The following CSMD3 variants were observed in gnomAD, a reference collection of about 807,000 sequenced individuals.
CSMD3 encodes CUB and sushi domain-containing protein 3.
A neutral mutation model predicts 435.2 loss-of-function variants in CSMD3; 177 were observed. That is an observed-to-expected ratio of 0.41 (90% CI 0.36 to 0.46). The LOEUF (loss-of-function observed/expected upper bound fraction) is 0.46. Among genes scored for constraint, CSMD3 ranks in the 20% least tolerant of loss-of-function variants. The pLI is 0.34. For synonymous variants in CSMD3, 1,656 were observed against 1,520.5 expected (o/e 1.09, Z -2.07); for missense variants, 4,265 against 4,504.6 (o/e 0.95, Z 1.52).
rs867236363 is a variant in CSMD3, at chr8:113,252,794, T to C, written c.514+25798A>G. 2.0e-5 allele frequency among the ~76,000 whole-genome samples: 3 copies of C among 152,160 alleles called. 1 individual carries two copies. The highest frequency in any genetic ancestry group is 2.1e-4 in the South Asian group (1 of 4,836). ...CAGATGGATACATGAATTTCATAAG[T>C]AGTGGGTGGACCAAATTAAGAAAGC... On this transcript the variant is annotated intron_variant, in intron 3 of 70. Coordinates refer to ENST00000297405, the MANE Select transcript of CSMD3 (RefSeq NM_198123.2).
chr8:112,871,949 T>A (rs1475174409), intron 10 of CSMD3, among the ~76,000 whole-genome samples: 1 of 152,076 alleles, frequency 6.6e-6, no homozygotes, highest in Admixed American at 6.6e-5. Flanking sequence ...AGAATTCATT[T>A]TATTCTTATT....
intron 1 of CSMD3, among the ~76,000 whole-genome samples, chr8:113,380,158 T>A (rs925239780): frequency 1.3e-5 from 2 of 152,218 alleles, no homozygotes; most frequent in African/African-American, 2.4e-5. Context: ...CCTCATTAAT[T>A]AATGAGTAAA....
At chr8:112,811,312 A>G (rs553348051) in intron 12 of CSMD3, among the ~76,000 whole-genome samples, 60 of 152,140 alleles carry the variant, frequency 3.9e-4, no homozygotes, top group African/African-American at 1.3e-3. Context: ...GAACTCCCCC[A>G]ACCCCCCTTC....
chr8:113,407,730 C>T (rs2094538969), intron 1 of CSMD3, among the ~76,000 whole-genome samples: 1 of 151,934 alleles, frequency 6.6e-6, no homozygotes, highest in Non-Finnish European at 1.5e-5. Context: ...ACAACACAGA[C>T]CATCGTAGGT....
intron 6 of CSMD3, among the ~76,000 whole-genome samples, chr8:112,982,869 A>G (rs575328333): frequency 2.0e-5 from 3 of 152,160 alleles, no homozygotes; most frequent in African/African-American, 4.8e-5. Context: ...GGATATAAAC[A>G]TAAGTAAAGA....
chr8:112,885,395 C>A (rs539570841), intron 10 of CSMD3, among the ~76,000 whole-genome samples: 1 of 150,798 alleles, frequency 6.6e-6, no homozygotes, highest in Non-Finnish European at 1.5e-5. Flanking sequence ...TATATATTTA[C>A]GATGAACTAT....
At chr8:113,259,087 A>G (rs2093406210) in intron 3 of CSMD3, among the ~76,000 whole-genome samples, 1 of 152,186 alleles carries the variant, frequency 6.6e-6, no homozygotes, top group African/African-American at 2.4e-5. Context: ...GTAGGTAGTT[A>G]CAGCAAGTTG....
chr8:113,071,153 TA>T (rs199750722), intron 5 of CSMD3, among the ~76,000 whole-genome samples: 11 of 151,618 alleles, frequency 7.3e-5, no homozygotes, highest in East Asian at 3.9e-4. Context: ...TTTGCCCATT[TA>T]AAAAAAAATC....
At chr8:112,766,912 AT>A (rs1452572253) in intron 13 of CSMD3, among the ~76,000 whole-genome samples, 1 of 151,880 alleles carries the variant, frequency 6.6e-6, no homozygotes, top group Non-Finnish European at 1.5e-5. Flanking sequence ...CTTGAGCAGG[AT>A]AGCAAACCTC....
chr8:112,820,614 A>C (rs2079501749), intron 12 of CSMD3, among the ~76,000 whole-genome samples: 1 of 151,810 alleles, frequency 6.6e-6, no homozygotes, highest in Non-Finnish European at 1.5e-5. Flanking sequence ...ACAGCCTAAA[A>C]GGTATTGGTT....
intron 20 of CSMD3, among the ~76,000 whole-genome samples, chr8:112,639,218 T>C (rs964070075): frequency 6.6e-6 from 1 of 152,070 alleles, no homozygotes; most frequent in African/African-American, 2.4e-5. Flanking sequence ...ATATCTTTTG[T>C]TTATAATAGA....
chr8:113,224,988 A>G (rs2093010320), intron 3 of CSMD3, among the ~76,000 whole-genome samples: 3 of 151,456 alleles, frequency 2.0e-5, no homozygotes, highest in African/African-American at 4.8e-5. Flanking sequence ...AGCTAAATAA[A>G]TATATGTATT....
chr8:112,859,989 C>A (rs2080778183), intron 10 of CSMD3, among the ~76,000 whole-genome samples: 1 of 151,714 alleles, frequency 6.6e-6, no homozygotes. Context: ...TCTAATCTGT[C>A]AAAAATAATC....
chr8:113,277,774 T>G (rs2093582957), intron 3 of CSMD3, among the ~76,000 whole-genome samples: 1 of 151,976 alleles, frequency 6.6e-6, no homozygotes, highest in Admixed American at 6.6e-5. Context: ...GATGGAAATT[T>G]TATTGTCAAA....
Position 113,436,711 on chromosome 8 carries a change from G to C in CSMD3, c.144C>G (p.Asn48Lys), listed in dbSNP as rs781294011. ...AAGACACCGTCAATAAAAAGACGAGGTTCCAAAACGTAAATCCACTTTTAA... is the reference window on the plus strand; with the variant it reads ...AAGACACCGTCAATAAAAAGACGAGCTTCCAAAACGTAAATCCACTTTTAA... ...MGIKSGFTFW[N>K]LVFLLTVSCV... Residue 48 changes from asparagine to lysine, a missense_variant, in exon 1 of 71, where the codon AAC becomes AAG. Around this residue, in one of 3 missense-constraint regions of CSMD3, gnomAD observed 731 missense variants for 755.4 expected, o/e 0.97. Transcript: ENST00000297405. 2 of 1,614,156 alleles carry C rather than the reference G, an allele frequency of 1.2e-6. No individual in the cohort carries two copies. Among genetic ancestry groups the C allele is most frequent in the South Asian group, 2.2e-5 (2 of 91,082 alleles).
intron 4 of CSMD3, among the ~76,000 whole-genome samples, chr8:113,142,964 T>C (rs953990538): frequency 2.0e-5 from 3 of 150,760 alleles, no homozygotes; most frequent in African/African-American, 7.3e-5. Context: ...TCACATTTTA[T>C]TTTTAAAAAA....
chr8:112,493,897 T>C (rs963762917), intron 30 of CSMD3, among the ~76,000 whole-genome samples: 1 of 152,102 alleles, frequency 6.6e-6, no homozygotes, highest in Non-Finnish European at 1.5e-5. Flanking sequence ...GGATAACAAA[T>C]GTAGTGATTT....
At chr8:112,884,853 C>T (rs1218598641) in intron 10 of CSMD3, among the ~76,000 whole-genome samples, 1 of 151,726 alleles carries the variant, frequency 6.6e-6, no homozygotes, top group Non-Finnish European at 1.5e-5. Flanking sequence ...TGTTTTTACA[C>T]TCAAGAAAGA....
chr8:113,297,273 T>G (rs2132561808), intron 2 of CSMD3, among the ~76,000 whole-genome samples: 1 of 150,656 alleles, frequency 6.6e-6, no homozygotes, highest in East Asian at 1.9e-4. Flanking sequence ...AGTACAGTAT[T>G]TGTTAAAGGG....
Sources: allele counts gnomAD v4.1 joint callset (sites outside exome capture counted in the v4.1 genomes callset), GRCh38; gene constraint gnomAD v4.1.1; regional missense constraint gnomAD v4.1.1; transcripts MANE v1.5; gene names NCBI Gene and HGNC (gene_info 2026-07-23, HGNC 2026-07-21).